Variants in NMT1 observed in about 807,000 individuals in gnomAD.
The protein encoded by NMT1 is N-myristoyltransferase 1.
Under a neutral mutation model 63.4 loss-of-function variants are expected in NMT1, and 12 were observed. The observed-to-expected ratio is 0.19, with a 90% CI of 0.12 to 0.31. NMT1 has a LOEUF of 0.31. Among genes scored for constraint, NMT1 ranks in the 10% least tolerant of loss-of-function variants. The pLI, the probability that NMT1 is intolerant of heterozygous loss-of-function variation, is 1.00. For missense variants in NMT1, 432 were observed against 634.6 expected (o/e 0.68, Z 3.43); for synonymous variants, 228 against 234.3 (o/e 0.97, Z 0.25).
chr17:45,061,805 TA>T (rs2053863551), intron 1 of NMT1: 1 of 179,748 alleles, frequency 5.6e-6, no homozygotes, highest in South Asian at 1.4e-4. Context: ...AAGGGAACGT[TA>T]CTTATAGACG....
At chr17:45,093,861 C>T in intron 4 of NMT1, 58 bp downstream of exon 4, 1 of 1,374,336 alleles carries the variant, frequency 7.3e-7, no homozygotes, top group Non-Finnish European at 1.0e-6. Flanking sequence ...ACAGTAAGCC[C>T]TGCAGTCTCA....
In NMT1 at chr17:45,105,735, T is replaced by A; in HGVS notation, c.*96T>A. On this transcript the variant is annotated 3_prime_UTR_variant, in exon 12 of 12. Coordinates refer to ENST00000258960, the MANE Select transcript of NMT1 (RefSeq NM_021079.5). The surrounding 1 kb of genome is among the most constrained non-coding windows in gnomAD (Gnocchi z 4.2). Reference sequence around the variant, plus strand: ...GGTCCAATTTTCACACACGTGAGAATCCCTGGCAAAGGGAGCAGAACTGAA... The same window carrying A: ...GGTCCAATTTTCACACACGTGAGAAACCCTGGCAAAGGGAGCAGAACTGAA... 7.7e-7 allele frequency: 1 copy of A among 1,305,686 alleles called. No individual in the cohort carries two copies. The allele number at this position is 1,305,686 out of a possible 1,614,324, so 80.9% of individuals were successfully genotyped here.
rs2054183921 is a variant in NMT1 at position 45,103,770 on chromosome 17, A to G, written c.1226A>G (p.Asn409Ser). The G allele has an allele frequency of 1.9e-6, 3 of 1,614,168 alleles. No individual in the cohort carries two copies. Among genetic ancestry groups the G allele is most frequent in the Non-Finnish European group, 1.7e-6 (2 of 1,180,026 alleles). ...TATACGCTGCCCTCCACCATCATGA[A>G]CCATCCAACCCACAAGAGTCTCAAA... ...SFYTLPSTIM[N>S]HPTHKSLKAA... The change falls in exon 10 of 12, where the codon AAC becomes AGC. Residue 409 changes from asparagine to serine, a missense_variant. By Grantham distance (46) the Asn-to-Ser change is conservative. Transcript: ENST00000258960. The surrounding 1 kb of genome is among the most constrained non-coding windows in gnomAD (Gnocchi z 4.8).
At chr17:45,100,369 A>G (rs889275174) in intron 8 of NMT1, among the ~76,000 whole-genome samples, 1 of 151,650 alleles carries the variant, frequency 6.6e-6, no homozygotes, top group Admixed American at 6.6e-5. Context: ...GATCAAGACC[A>G]TCCTGGCTAA....
At chr17:45,088,765 TA>T (rs34592604) in intron 3 of NMT1, among the ~76,000 whole-genome samples, 4,677 of 141,370 alleles carry the variant, frequency 0.033, 188 homozygotes, top group African/African-American at 0.1. Context: ...AAAATGAATT[TA>T]AAAAAAAAAA....
At chr17:45,081,878 G>A in intron 2 of NMT1, 126 bp downstream of exon 2, 1 of 758,854 alleles carries the variant, frequency 1.3e-6, no homozygotes. Flanking sequence ...GGAAGAGTTG[G>A]ATCCCAGTGC....
In NMT1 at chr17:45,104,569, TAG is replaced by T. The variant is rs3216879; in HGVS notation, c.1333-287_1333-286del. 0.058 allele frequency: 69,251 copies of T among 1,199,768 alleles called. 2,724 individuals carry two copies. The highest frequency in any genetic ancestry group is 0.25 in the East Asian group (6,147 of 24,238). 74.3% of individuals were successfully genotyped at this position (1,199,768 alleles called of 1,614,324 possible). On this transcript the variant is annotated intron_variant, in intron 10 of 11. Transcript: ENST00000258960. This position sits in a 1 kb window ranked among gnomAD's most constrained non-coding sequence, Gnocchi z 4.2. Reference sequence around the variant, plus strand: ...CTCCAGAGAGGACTGTGGAAATTACTAGAGTTTCAGGGAGGCATAACCAGGAA... The same window carrying T: ...CTCCAGAGAGGACTGTGGAAATTACTAGTTTCAGGGAGGCATAACCAGGAA...
In NMT1 at chr17:45,092,464, G is replaced by A. The variant is rs1359105682; in HGVS notation, c.386-1221G>A. ...TGAAATGTTTGGACTTTGGGAGGCC[G>A]AGGCGGGTGGATCACTTGAGGCCAG... On this transcript the variant is annotated intron_variant, in intron 3 of 11. Coordinates refer to ENST00000258960, the MANE Select transcript of NMT1 (RefSeq NM_021079.5). 5.3e-5 allele frequency among the ~76,000 whole-genome samples: 8 copies of A among 151,844 alleles called. No homozygotes were observed. In the East Asian group the frequency reaches 1.2e-3, roughly 22 times the overall value.
intron 1 of NMT1, among the ~76,000 whole-genome samples, chr17:45,066,372 A>C (rs2053902779): frequency 1.3e-5 from 2 of 152,062 alleles, no homozygotes; most frequent in South Asian, 2.1e-4. Context: ...TTAGTTACTT[A>C]TGTCTCTTTG....
intron 3 of NMT1, among the ~76,000 whole-genome samples, chr17:45,087,153 C>A (rs553631827): frequency 6.6e-6 from 1 of 151,880 alleles, no homozygotes; most frequent in African/African-American, 2.4e-5. Context: ...AGGAGTGAGA[C>A]CCCCAACTCA....
chr17:45,066,106 T>A (rs2053901120), intron 1 of NMT1, among the ~76,000 whole-genome samples: 1 of 151,994 alleles, frequency 6.6e-6, no homozygotes, highest in South Asian at 2.1e-4. Flanking sequence ...CGGGCTGGAG[T>A]GCTGTGGCGC....
intron 8 of NMT1, 41 bp from the exon 9 acceptor site, chr17:45,102,910 G>T (rs1284238374): frequency 3.2e-6 from 5 of 1,569,432 alleles, no homozygotes; most frequent in South Asian, 1.2e-5. Flanking sequence ...GATCCAGGGT[G>T]ATCAGCTCAT....
intron 6 of NMT1, among the ~76,000 whole-genome samples, chr17:45,097,469 C>T (rs1469788597): frequency 1.3e-5 from 2 of 152,006 alleles, no homozygotes; most frequent in Non-Finnish European, 2.9e-5. Flanking sequence ...AAGGAGCCCA[C>T]CCTGAGGCCT....
rs1407403384 is a variant in NMT1 at position 45,104,828 on chromosome 17, C to G, written c.1333-31C>G. On this transcript the variant is annotated intron_variant, in intron 10 of 11. Transcript: ENST00000258960. The surrounding 1 kb of genome is among the most constrained non-coding windows in gnomAD (Gnocchi z 4.2). ...AGGAGGCTGTCCCCACCTGTCCTCA[C>G]CTGTTCTTGTTTGTCCCTGCTGCTT... 3.7e-6 allele frequency: 6 copies of G among 1,613,660 alleles called. No homozygotes were observed. The highest frequency in any genetic ancestry group is 5.1e-6 in the Non-Finnish European group (6 of 1,179,720).
intron 1 of NMT1, among the ~76,000 whole-genome samples, chr17:45,066,350 C>T (rs1011059770): frequency 2.0e-5 from 3 of 152,094 alleles, no homozygotes; most frequent in African/African-American, 4.8e-5. Flanking sequence ...CCACCACGCC[C>T]GGCCAGTTGT....
intron 2 of NMT1, among the ~76,000 whole-genome samples, chr17:45,085,932 G>A (rs565500511): frequency 1.4e-5 from 2 of 146,808 alleles, no homozygotes; most frequent in Middle Eastern, 3.7e-3. Flanking sequence ...AGCAATTCTC[G>A]TGTCTCAGCC....
At chr17:45,065,539 G>C (rs373436715) in intron 1 of NMT1, among the ~76,000 whole-genome samples, 197 of 150,624 alleles carry the variant, frequency 1.3e-3, no homozygotes, top group African/African-American at 4.3e-3. Context: ...CAGGAGAATG[G>C]TGTGACCCTG....
At chr17:45,070,752 A>G (rs996845269) in intron 1 of NMT1, among the ~76,000 whole-genome samples, 3 of 152,036 alleles carry the variant, frequency 2.0e-5, no homozygotes, top group Non-Finnish European at 2.9e-5. Context: ...GGGTTTTGCT[A>G]TGTTGGCCAG....
At chr17:45,069,296 A>G (rs1270509957) in intron 1 of NMT1, among the ~76,000 whole-genome samples, 1 of 130,768 alleles carries the variant, frequency 7.6e-6, no homozygotes, top group African/African-American at 2.9e-5. Context: ...TTATTTATTT[A>G]TTTATTTATT....
Sources: gnomAD v4.1 joint callset for allele counts (sites outside exome capture counted in the v4.1 genomes callset) on GRCh38, gnomAD v4.1.1 for gene constraint, Gnocchi (gnomAD v3.1) non-coding constraint, MANE v1.5 for transcripts, NCBI Gene and HGNC (gene_info 2026-07-23, HGNC 2026-07-21) for gene names.